Variants in CHRM3 observed in about 807,000 individuals in gnomAD.
CHRM3 encodes the protein muscarinic acetylcholine receptor M3.
A neutral mutation model predicts 41.8 loss-of-function variants in CHRM3; 11 were observed. The ratio of observed to expected loss-of-function variants is 0.26; its 90% CI spans 0.17 to 0.44. CHRM3 has a LOEUF of 0.44. Among genes scored for constraint, CHRM3 ranks in the 20% least tolerant of loss-of-function variants. CHRM3 has a pLI of 1.00. For synonymous variants in CHRM3, 297 were observed against 301.4 expected, an observed-to-expected ratio of 0.99 and a Z score of 0.15; for missense variants, 571 against 745.4, an observed-to-expected ratio of 0.77 and a Z score of 2.72.
At chr1:239,906,423 T>C (rs1417153956) in intron 6 of CHRM3, among the ~76,000 whole-genome samples, 7 of 152,150 alleles carry the variant, frequency 4.6e-5, no homozygotes, top group Non-Finnish European at 1.0e-4. Flanking sequence ...GATTTGCTTA[T>C]CTAGTGTACG....
intron 5 of CHRM3, among the ~76,000 whole-genome samples, chr1:239,722,625 A>C (rs1663081533): frequency 6.6e-6 from 1 of 151,822 alleles, no homozygotes; most frequent in Non-Finnish European, 1.5e-5. Context: ...CTGCAGTGCA[A>C]ATGTATTGGA....
At chr1:239,532,199 G>C (rs1378482244) in intron 2 of CHRM3, among the ~76,000 whole-genome samples, 1 of 146,288 alleles carries the variant, frequency 6.8e-6, no homozygotes, top group Admixed American at 6.8e-5. Flanking sequence ...TTGTAGTAGA[G>C]ACAGGGTTTC....
rs139846841 is a variant in CHRM3, at chr1:239,742,400, G to A, written c.-147+64112G>A. Reference sequence around the variant, plus strand: ...CTTGGAGGTTCAACCGGAGCCAGATGGCCTAAGATTGTTTCATTCACAAGT... The same window carrying A: ...CTTGGAGGTTCAACCGGAGCCAGATAGCCTAAGATTGTTTCATTCACAAGT... On this transcript the variant is annotated intron_variant, in intron 5 of 6. Transcript: ENST00000676153. Among the ~76,000 whole-genome samples, 452 of 152,258 alleles carry A rather than the reference G, an allele frequency of 3.0e-3. 1 individual carries two copies. Among genetic ancestry groups the A allele is most frequent in the African/African-American group, 0.01 (425 of 41,550 alleles).
chr1:239,729,660 G>T (rs968794470), intron 5 of CHRM3, among the ~76,000 whole-genome samples: 2 of 151,888 alleles, frequency 1.3e-5, no homozygotes, highest in African/African-American at 4.8e-5. Flanking sequence ...TAATTAATGT[G>T]ACTTTTTTGT....
Position 239,531,639 on chromosome 1 carries a change from A to ATTTTTTTTTTTTTTTT in CHRM3, c.-421-13980_-421-13965dup, listed in dbSNP as rs58433814. Among the ~76,000 whole-genome samples the ATTTTTTTTTTTTTTTT allele has an allele frequency of 1.3e-4, 7 of 55,900 alleles. 1 individual carries two copies. Among genetic ancestry groups the ATTTTTTTTTTTTTTTT allele is most frequent in the African/African-American group, 6.2e-4 (7 of 11,330 alleles). The allele number at this position is 55,900 out of a possible 152,430, so 36.7% of individuals were successfully genotyped here. A position where few individuals can be genotyped will look rare whatever the true frequency, so the allele number is the denominator to read the frequency against. ...ATAAAAACTAATCTCTCTAGAATGG[A>ATTTTTTTTTTTTTTTT]TTTTTTTTTTTTTTTTTTTTTTTTT... is the stretch of plus-strand genomic sequence containing the variant. On this transcript the variant is annotated intron_variant, in intron 2 of 6. Transcript: ENST00000676153.
intron 2 of CHRM3, among the ~76,000 whole-genome samples, chr1:239,533,112 G>C (rs1036146703): frequency 6.6e-6 from 1 of 151,834 alleles, no homozygotes; most frequent in Non-Finnish European, 1.5e-5. Context: ...AAAACATTCT[G>C]TCCCTTCTTT....
chr1:239,895,870 A>G (rs766621670), intron 6 of CHRM3, among the ~76,000 whole-genome samples: 3 of 152,072 alleles, frequency 2.0e-5, no homozygotes, highest in Non-Finnish European at 4.4e-5. Flanking sequence ...GTTGGGTACT[A>G]TGCTCATTAC....
At chr1:239,819,266 G>C (rs934066808) in intron 5 of CHRM3, among the ~76,000 whole-genome samples, 1 of 152,164 alleles carries the variant, frequency 6.6e-6, no homozygotes, top group African/African-American at 2.4e-5. Flanking sequence ...TCACAGATAG[G>C]TCTCTTAGGT....
rs199820938 is a variant in CHRM3, at chr1:239,908,271, G to C, written c.820G>C (p.Glu274Gln). Residue 274 changes from glutamate to glutamine, a missense_variant, in exon 7 of 7, where the codon GAG becomes CAG. Glu to Gln is a conservative substitution (Grantham distance 29). This residue lies in a region of CHRM3 where 153 missense variants were observed against 296.3 expected (regional missense o/e 0.52). Transcript: ENST00000676153. This position sits in a 1 kb window ranked among gnomAD's most constrained non-coding sequence, Gnocchi z 7.2. ...TGCTGGCCTGCAAGCCTCTGGGACA[G>C]AGGCAGAGACAGAAAACTTTGTCCA... ...ELAGLQASGT[E>Q]AETENFVHPT... 3.1e-6 allele frequency: 5 copies of C among 1,614,150 alleles called. No homozygotes were observed. The highest frequency in any genetic ancestry group is 4.2e-6 in the Non-Finnish European group (5 of 1,180,030).
chr1:239,806,417 TACACACACACACAC>T lies in CHRM3; in HGVS notation c.-146-20822_-146-20809del, dbSNP rs5782102. Among the ~76,000 whole-genome samples, 10 of 146,030 alleles carry T rather than the reference TACACACACACACAC, an allele frequency of 6.8e-5. No homozygotes were observed. In the Admixed American group the frequency reaches 7.1e-4, roughly 10 times the overall value. On this transcript the variant is annotated intron_variant, in intron 5 of 6. Coordinates refer to ENST00000676153, the MANE Select transcript of CHRM3 (RefSeq NM_001375978.1). Reference sequence around the variant, plus strand: ...CACCTGTGGACATCCAGGATGGAGTTACACACACACACACACACACACACACCCCTGTGGACATC... The same window carrying T: ...CACCTGTGGACATCCAGGATGGAGTTACACACACACACCCCTGTGGACATC...
At chr1:239,814,281 TTTGA>T (rs779800259) in intron 5 of CHRM3, among the ~76,000 whole-genome samples, 3 of 152,086 alleles carry the variant, frequency 2.0e-5, no homozygotes, top group Non-Finnish European at 4.4e-5. Flanking sequence ...GTGGGAGATG[TTTGA>T]TTTTTAAGAA....
At chr1:239,472,373 G>T (rs1357784114) in intron 1 of CHRM3, among the ~76,000 whole-genome samples, 1 of 152,058 alleles carries the variant, frequency 6.6e-6, no homozygotes, top group Non-Finnish European at 1.5e-5. Context: ...TTTCCTTCCT[G>T]TAGCCACACT....
At chr1:239,800,013 CT>C (rs1670089076) in intron 5 of CHRM3, among the ~76,000 whole-genome samples, 1 of 152,044 alleles carries the variant, frequency 6.6e-6, no homozygotes, top group African/African-American at 2.4e-5. Context: ...TATCAGGTAG[CT>C]TTTTTTGTTT....
At chr1:239,832,727 A>G (rs940893911) in intron 6 of CHRM3, among the ~76,000 whole-genome samples, 7 of 152,098 alleles carry the variant, frequency 4.6e-5, no homozygotes, top group Non-Finnish European at 1.5e-5. Context: ...GGATTAAAAA[A>G]GATCATGGGG....
chr1:239,652,573 G>C (rs1465904089), intron 4 of CHRM3, among the ~76,000 whole-genome samples: 1 of 152,100 alleles, frequency 6.6e-6, no homozygotes, highest in Non-Finnish European at 1.5e-5. Flanking sequence ...AAAGTAGTGA[G>C]GAAGAAGCGT....
At chr1:239,656,589 C>T (rs1672743859) in intron 4 of CHRM3, among the ~76,000 whole-genome samples, 1 of 152,082 alleles carries the variant, frequency 6.6e-6, no homozygotes, top group Non-Finnish European at 1.5e-5. Context: ...TGCAGTGAGT[C>T]ATGATCACAC....
At chr1:239,681,736 A>T (rs1571965238) in intron 5 of CHRM3, among the ~76,000 whole-genome samples, 1 of 152,104 alleles carries the variant, frequency 6.6e-6, no homozygotes, top group Non-Finnish European at 1.5e-5. Context: ...CTCTACATAA[A>T]AGAAATTTAA....
intron 5 of CHRM3, among the ~76,000 whole-genome samples, chr1:239,770,858 G>A (rs944591810): frequency 2.0e-5 from 3 of 152,048 alleles, no homozygotes; most frequent in Non-Finnish European, 2.9e-5. Flanking sequence ...AGCCTGAAAC[G>A]AGCAGATCAC....
chr1:239,900,128 A>G (rs1679402891), intron 6 of CHRM3, among the ~76,000 whole-genome samples: 1 of 152,188 alleles, frequency 6.6e-6, no homozygotes, highest in Admixed American at 6.5e-5. Flanking sequence ...TCCTTGACTC[A>G]AAATATCCTA....
Sources: gnomAD v4.1 joint callset for allele counts (sites outside exome capture counted in the v4.1 genomes callset) on GRCh38, gnomAD v4.1.1 for gene constraint, gnomAD v4.1.1 regional missense constraint, Gnocchi (gnomAD v3.1) non-coding constraint, MANE v1.5 for transcripts, NCBI Gene and HGNC (gene_info 2026-07-23, HGNC 2026-07-21) for gene names.